ZC3H14: variants seen among roughly 807,000 people sequenced by gnomAD.
The protein encoded by ZC3H14 is zinc finger CCCH domain-containing protein 14.
In ZC3H14, 31 loss-of-function variants were observed where a neutral mutation model predicts 92.4. The observed-to-expected ratio is 0.34, with a 90% confidence interval of 0.25 to 0.45. The LOEUF (loss-of-function observed/expected upper bound fraction) is 0.45. Among genes scored for constraint, ZC3H14 ranks in the 20% least tolerant of loss-of-function variants. The pLI, the probability that ZC3H14 is intolerant of heterozygous loss-of-function variation, is 1.00. For missense variants in ZC3H14, 781 were observed against 897.3 expected, an observed-to-expected ratio of 0.87 and a Z score of 1.66; for synonymous variants, 321 against 300.9, an observed-to-expected ratio of 1.07 and a Z score of -0.69.
Position 88,611,875 on chromosome 14 carries a change from T to G in ZC3H14, c.*124T>G. The G allele has an allele frequency of 7.5e-7, 1 of 1,329,810 alleles. No individual in the cohort carries two copies. Among genetic ancestry groups the G allele is most frequent in the Non-Finnish European group, 1.1e-6 (1 of 940,500 alleles). 82.4% of individuals were successfully genotyped at this position (1,329,810 alleles called of 1,614,324 possible). ...TATATTGCTTTCATAATATGAAGTT[T>G]TATTGCCTATCTATCTGAAGTGTCT... On this transcript the variant is annotated 3_prime_UTR_variant, in exon 17 of 17. Transcript: ENST00000251038.
intron 11 of ZC3H14, 64 bp downstream of exon 11, chr14:88,602,147 G>A (rs891366193): frequency 2.2e-5 from 35 of 1,606,438 alleles, no homozygotes; most frequent in Admixed American, 3.3e-5. Context: ...TTAACCATTC[G>A]TTTGCAGCTT....
Position 88,609,263 on chromosome 14 carries a change from G to A in ZC3H14, c.1869-4G>A. Reference sequence around the variant, plus strand: ...ATGAAATATGCTTTTTTTTTGTTTTGTAGAGCCTTCCCCAATTGTAAATTT... The same window carrying A: ...ATGAAATATGCTTTTTTTTTGTTTTATAGAGCCTTCCCCAATTGTAAATTT... On this transcript the variant is annotated splice_polypyrimidine_tract_variant and splice_region_variant and intron_variant, in intron 13 of 16. Transcript: ENST00000251038. The A allele has an allele frequency of 6.2e-7, 1 of 1,608,092 alleles. No homozygotes were observed. The highest frequency in any genetic ancestry group is 1.1e-5 in the South Asian group (1 of 90,350).
chr14:88,564,927 A>G (rs1437177925), intron 2 of ZC3H14, among the ~76,000 whole-genome samples: 1 of 152,208 alleles, frequency 6.6e-6, no homozygotes, highest in African/African-American at 2.4e-5. Flanking sequence ...ACTTCAAAGT[A>G]CTGACAAACT....
intron 9 of ZC3H14, among the ~76,000 whole-genome samples, chr14:88,583,368 T>G (rs1200760546): frequency 1.3e-5 from 2 of 152,096 alleles, no homozygotes; most frequent in Non-Finnish European, 2.9e-5. Flanking sequence ...CCCTCTTGCC[T>G]CAGCCTCCCA....
intron 9 of ZC3H14, among the ~76,000 whole-genome samples, chr14:88,588,678 A>G (rs1222199025): frequency 6.6e-6 from 1 of 151,624 alleles, no homozygotes; most frequent in Non-Finnish European, 1.5e-5. Flanking sequence ...TGTGGGAAAT[A>G]CTCTTGCATT....
intron 13 of ZC3H14, 72 bp downstream of exon 13, chr14:88,607,435 C>T: frequency 5.7e-6 from 9 of 1,565,252 alleles, no homozygotes; most frequent in East Asian, 2.4e-5. Flanking sequence ...AGTACCATCC[C>T]CCATCTCACC....
intron 3 of ZC3H14, among the ~76,000 whole-genome samples, 168 bp downstream of exon 3, chr14:88,568,321 A>C (rs765405874): frequency 1.3e-5 from 2 of 152,226 alleles, no homozygotes; most frequent in Non-Finnish European, 2.9e-5. Flanking sequence ...AGTGCTATGA[A>C]GAAATACCCG....
At chr14:88,563,306 C>T (rs1018492156) in intron 1 of ZC3H14, 137 bp downstream of exon 1, 181 of 1,525,186 alleles carry the variant, frequency 1.2e-4, no homozygotes, top group Non-Finnish European at 1.5e-4. Flanking sequence ...TGCGGCTCCT[C>T]CTCGTCCAGG....
At position 88,563,144 on chromosome 14, in the gene ZC3H14, G is replaced by A; in HGVS notation, c.11G>A (p.Gly4Asp). Residue 4 changes from glycine (G) to aspartate (D), a missense_variant, in exon 1 of 17, where the codon GGC becomes GAC. By Grantham distance (94) the Gly-to-Asp change is moderately conservative (BLOSUM62 -1). Transcript: ENST00000251038. MEI[G>D]TEISRKIRSA... ...GCACGCCGCAGAGCCATGGAGATCG[G>A]CACCGAGATCAGCCGCAAGATCCGG... 2 of 1,600,668 alleles carry A rather than the reference G, an allele frequency of 1.2e-6. No individual in the cohort carries two copies. The highest frequency in any genetic ancestry group is 1.7e-6 in the Non-Finnish European group (2 of 1,176,428).
rs376380923 is a variant in ZC3H14 at position 88,626,946 on chromosome 14, A to G, written c.*15195A>G. The G allele has an allele frequency of 5.1e-5, 83 of 1,613,842 alleles. No individual in the cohort carries two copies. The highest frequency in any genetic ancestry group is 4.9e-4 in the Middle Eastern group (3 of 6,084). On this transcript the variant is annotated 3_prime_UTR_variant, in exon 17 of 17. Transcript: ENST00000251038. ...TTCCTGCCAGGGTCCAGAACTTCACATGTTTTACTCCCACTGAGACAAACT... is the reference window on the plus strand; with the variant it reads ...TTCCTGCCAGGGTCCAGAACTTCACGTGTTTTACTCCCACTGAGACAAACT...
At chr14:88,593,067 A>C (rs1327281297) in intron 9 of ZC3H14, among the ~76,000 whole-genome samples, 1 of 150,500 alleles carries the variant, frequency 6.6e-6, no homozygotes, top group African/African-American at 2.4e-5. Flanking sequence ...TCCCGGGTTC[A>C]AGCGATTCTC....
In ZC3H14 at chr14:88,620,982, C is replaced by T; in HGVS notation, c.*9231C>T. ...ATAGGAAACATTAAGTGAAGTACTT[C>T]TAAATTATACCAGTTTCCCCTCAAA... On this transcript the variant is annotated 3_prime_UTR_variant, in exon 17 of 17. Transcript: ENST00000251038. The surrounding 1 kb of genome is among the most constrained non-coding windows in gnomAD (Gnocchi z 4.3). The T allele has an allele frequency of 6.8e-7, 1 of 1,466,678 alleles. No homozygotes were observed. The highest frequency in any genetic ancestry group is 9.0e-7 in the Non-Finnish European group (1 of 1,111,276). The allele number at this position is 1,466,678 out of a possible 1,614,324, so 90.9% of individuals were successfully genotyped here. A position where few individuals can be genotyped will look rare whatever the true frequency, so the allele number is the denominator to read the frequency against.
chr14:88,566,765 C>T (rs938011168), intron 2 of ZC3H14, among the ~76,000 whole-genome samples: 2 of 151,960 alleles, frequency 1.3e-5, no homozygotes, highest in East Asian at 3.9e-4. Flanking sequence ...ACTAAAAATA[C>T]AAACATTAGC....
chr14:88,615,672 AG>A lies in ZC3H14; in HGVS notation c.*3922del, dbSNP rs2087482239. The A allele has an allele frequency of 3.5e-5, 24 of 694,880 alleles. No individual in the cohort carries two copies. In the South Asian group the frequency reaches 3.8e-4, roughly 11 times the overall value. 43.0% of individuals were successfully genotyped at this position (694,880 alleles called of 1,614,324 possible). On this transcript the variant is annotated 3_prime_UTR_variant, in exon 17 of 17. Coordinates refer to ENST00000251038, the MANE Select transcript of ZC3H14 (RefSeq NM_024824.5). The stretch of plus-strand genomic sequence containing the variant: ...ATATAGCAAATATTTTGAACAGATC[AG>A]TCTTTCACTATTTTGATGATTCTGG...
intron 9 of ZC3H14, chr14:88,586,589 C>T (rs2082499477): frequency 6.6e-6 from 1 of 152,212 alleles, no homozygotes; most frequent in Admixed American, 6.5e-5. Flanking sequence ...TCCTTTCTCT[C>T]TGGCTGCTTT....
Position 88,614,457 on chromosome 14 carries a change from A to G in ZC3H14, c.*2706A>G, listed in dbSNP as rs933775915. ...TTTCTATTTTTAGTATTAACCAAGT[A>G]TTAGACACAGAAAATAGGTATTAAG... is the stretch of plus-strand genomic sequence containing the variant. On this transcript the variant is annotated 3_prime_UTR_variant, in exon 17 of 17. Transcript: ENST00000251038. 1 of 152,192 alleles carries G rather than the reference A, an allele frequency of 6.6e-6. No homozygotes were observed. Among genetic ancestry groups the G allele is most frequent in the African/African-American group, 2.4e-5 (1 of 41,446 alleles). The allele number at this position is 152,192 out of a possible 1,614,324, so 9.4% of individuals were successfully genotyped here.
At chr14:88,599,492 C>T (rs2084301648) in intron 10 of ZC3H14, among the ~76,000 whole-genome samples, 2 of 152,184 alleles carry the variant, frequency 1.3e-5, no homozygotes, top group Admixed American at 1.3e-4. Flanking sequence ...TGTCTGGTCT[C>T]CATGTGACCT....
chr14:88,618,859 A>G lies in ZC3H14; in HGVS notation c.*7108A>G. 1 of 1,497,702 alleles carries G rather than the reference A, an allele frequency of 6.7e-7. No individual in the cohort carries two copies. Among genetic ancestry groups the G allele is most frequent in the Non-Finnish European group, 8.9e-7 (1 of 1,120,484 alleles). The allele number at this position is 1,497,702 out of a possible 1,614,324, so 92.8% of individuals were successfully genotyped here. A position where few individuals can be genotyped will look rare whatever the true frequency, so the allele number is the denominator to read the frequency against. On this transcript the variant is annotated 3_prime_UTR_variant, in exon 17 of 17. Transcript: ENST00000251038. ...AAAGTATTAGACCACATGAAGTATT[A>G]TAAATACTTAAGATCAGTGACTTTT...
Position 88,572,627 on chromosome 14 carries a change from C to T in ZC3H14, c.481C>T (p.Pro161Ser), listed in dbSNP as rs758380070. 17 of 1,614,000 alleles carry T rather than the reference C, an allele frequency of 1.1e-5. No homozygotes were observed. The highest frequency in any genetic ancestry group is 1.4e-5 in the Non-Finnish European group (16 of 1,180,044). ...AATRLMSTVK[P>S]LREPAPSEDV... The stretch of plus-strand genomic sequence containing the variant: ...AACCCGACTAATGTCAACAGTGAAA[C>T]CTTTGAGGGAGCCAGCACCCTCTGA... The change falls in exon 6 of 17, where the codon CCT becomes TCT. Residue 161 changes from proline to serine, a missense_variant. This residue lies in a region of ZC3H14 where 454 missense variants were observed against 438.5 expected (regional missense o/e 1.04). Coordinates refer to ENST00000251038, the MANE Select transcript of ZC3H14 (RefSeq NM_024824.5).
Sources: gnomAD v4.1 joint callset for allele counts (sites outside exome capture counted in the v4.1 genomes callset) on GRCh38, gnomAD v4.1.1 for gene constraint, gnomAD v4.1.1 regional missense constraint, Gnocchi (gnomAD v3.1) non-coding constraint, MANE v1.5 for transcripts, NCBI Gene and HGNC (gene_info 2026-07-23, HGNC 2026-07-21) for gene names.